Variants in EVA1C observed in about 807,000 individuals in gnomAD.
The protein encoded by EVA1C is protein eva-1 homolog C.
A neutral mutation model predicts 45.4 loss-of-function variants in EVA1C; 25 were observed. That is an observed-to-expected ratio of 0.55 (90% CI 0.40 to 0.77). EVA1C has a LOEUF of 0.77. Among genes scored for constraint, EVA1C ranks in the 30% least tolerant of loss-of-function variants. The pLI is 0.00. For missense variants in EVA1C, 479 were observed against 554.8 expected, an observed-to-expected ratio of 0.86 and a Z score of 1.37; for synonymous variants, 190 against 221.2, an observed-to-expected ratio of 0.86 and a Z score of 1.25.
At chr21:32,411,901 G>C (rs2033838265), upstream of EVA1C, 1 of 152,306 alleles carries the variant, frequency 6.6e-6, no homozygotes, top group Non-Finnish European at 1.5e-5. Context: ...CACTGGCTGG[G>C]CGTCCGAACG....
At chr21:32,446,943 C>T (rs1205505480) in intron 1 of EVA1C, among the ~76,000 whole-genome samples, 2 of 152,166 alleles carry the variant, frequency 1.3e-5, no homozygotes, top group South Asian at 2.1e-4. Flanking sequence ...TCACTCTGAC[C>T]TTGCTGGTCC....
intron 4 of EVA1C, among the ~76,000 whole-genome samples, chr21:32,491,681 C>CAAAAA (rs34286023): frequency 6.9e-5 from 4 of 57,644 alleles, no homozygotes; most frequent in Non-Finnish European, 1.3e-4. Context: ...GAGACTCTGT[C>CAAAAA]AAAAAAAAAA....
rs571903899 is a variant in EVA1C at position 32,488,015 on chromosome 21, T to C, written c.635-7012T>C. Among the ~76,000 whole-genome samples, 5 of 152,220 alleles carry C rather than the reference T, an allele frequency of 3.3e-5. No individual in the cohort carries two copies. The East Asian group carries it at 9.7e-4, about 29-fold the overall frequency. ...GTCTTGTGGGACTGGGCCCTTAGCC[T>C]GTGGTATCTGTACTAACTCCAGGTA... On this transcript the variant is annotated intron_variant, in intron 4 of 7. Transcript: ENST00000300255.
chr21:32,496,268 G>C (rs1221395387), intron 5 of EVA1C, among the ~76,000 whole-genome samples: 2 of 152,142 alleles, frequency 1.3e-5, no homozygotes, highest in Non-Finnish European at 2.9e-5. Flanking sequence ...GGTGCTTTGT[G>C]TCTGGCTTCC....
intron 4 of EVA1C, chr21:32,473,880 G>C: frequency 1.0e-6 from 1 of 983,362 alleles, no homozygotes; most frequent in Non-Finnish European, 1.2e-6. Flanking sequence ...AGATGAACAG[G>C]GCATCCTCAG....
chr21:32,503,457 A>G (rs1268094630), intron 6 of EVA1C, among the ~76,000 whole-genome samples: 1 of 152,102 alleles, frequency 6.6e-6, no homozygotes, highest in Admixed American at 6.5e-5. Flanking sequence ...GAGGCAGGAG[A>G]ATTGCTTGAA....
At chr21:32,456,884 C>T (rs144973343) in intron 2 of EVA1C, among the ~76,000 whole-genome samples, 6 of 151,172 alleles carry the variant, frequency 4.0e-5, no homozygotes, top group South Asian at 2.1e-4. Flanking sequence ...GCCTTAAAAA[C>T]GAAGGAGCTG....
chr21:32,507,508 CTGTGTGCATGTGTCTCTG>C (rs1440004971), intron 7 of EVA1C, among the ~76,000 whole-genome samples: 21 of 141,498 alleles, frequency 1.5e-4, no homozygotes, highest in African/African-American at 5.3e-4. Flanking sequence ...GTGTCTGTAT[CTGTGTGCATGTGTCTCTG>C]TGTGTGCATG....
intron 6 of EVA1C, among the ~76,000 whole-genome samples, chr21:32,501,860 G>A (rs2037540231): frequency 6.6e-6 from 1 of 152,060 alleles, no homozygotes; most frequent in Non-Finnish European, 1.5e-5. Context: ...AGGCGCCAGG[G>A]CCAACTAGGA....
intron 4 of EVA1C, among the ~76,000 whole-genome samples, chr21:32,475,194 G>C (rs375096660): frequency 2.0e-5 from 3 of 152,176 alleles, no homozygotes; most frequent in Non-Finnish European, 2.9e-5. Flanking sequence ...ATTTGCTTTA[G>C]ACTGGATACC....
At chr21:32,509,689 A>G (rs2037882568) in intron 7 of EVA1C, among the ~76,000 whole-genome samples, 1 of 152,072 alleles carries the variant, frequency 6.6e-6, no homozygotes, top group African/African-American at 2.4e-5. Flanking sequence ...CCACTCAGCG[A>G]GTGAGTGACG....
intron 1 of EVA1C, among the ~76,000 whole-genome samples, chr21:32,419,152 T>A (rs1212000981): frequency 6.6e-6 from 1 of 152,112 alleles, no homozygotes; most frequent in Non-Finnish European, 1.5e-5. Flanking sequence ...TTATTTTAGG[T>A]TTGGGGGTGC....
At chr21:32,446,357 A>T (rs115743765) in intron 1 of EVA1C, among the ~76,000 whole-genome samples, 2 of 152,228 alleles carry the variant, frequency 1.3e-5, no homozygotes, top group African/African-American at 4.8e-5. Context: ...CACAACTGCC[A>T]TCTTCCAGGA....
chr21:32,465,188 C>T, intron 3 of EVA1C, among the ~76,000 whole-genome samples: 1 of 152,186 alleles, frequency 6.6e-6, no homozygotes, highest in East Asian at 1.9e-4. Flanking sequence ...CTAATGATTT[C>T]AAGACTCATG....
At position 32,424,661 on chromosome 21, in the gene EVA1C, G is replaced by A. The variant is rs535249268; in HGVS notation, c.160+11648G>A. Among the ~76,000 whole-genome samples, 41 of 152,324 alleles carry A rather than the reference G, an allele frequency of 2.7e-4. 1 individual carries two copies. The highest frequency in any genetic ancestry group is 9.6e-4 in the African/African-American group (40 of 41,578). ...TGGACACAAAGACTCAGAATGAAAA[G>A]AGGTCTTGAGAACCCCAGTGCTGTG... On this transcript the variant is annotated intron_variant, in intron 1 of 7. Transcript: ENST00000300255.
At chr21:32,472,228 C>T (rs1281129794) in intron 4 of EVA1C, among the ~76,000 whole-genome samples, 3 of 152,084 alleles carry the variant, frequency 2.0e-5, no homozygotes, top group African/African-American at 2.4e-5. Context: ...GTGTGATCTC[C>T]GTTTACTGTA....
At chr21:32,420,262 C>T (rs974502648) in intron 1 of EVA1C, among the ~76,000 whole-genome samples, 2 of 152,136 alleles carry the variant, frequency 1.3e-5, no homozygotes, top group Non-Finnish European at 2.9e-5. Context: ...CCCAGCCACT[C>T]GGGAGGCTGA....
chr21:32,449,475 C>A (rs1158887979), intron 1 of EVA1C, among the ~76,000 whole-genome samples: 1 of 152,234 alleles, frequency 6.6e-6, no homozygotes, highest in East Asian at 1.9e-4. Flanking sequence ...AGTACACAGC[C>A]TTTTCAGATT....
At chr21:32,496,465 A>C (rs1279129522) in intron 5 of EVA1C, among the ~76,000 whole-genome samples, 1 of 152,242 alleles carries the variant, frequency 6.6e-6, no homozygotes, top group Non-Finnish European at 1.5e-5. Context: ...TATTACCAAA[A>C]TAATGGCACC....
Sources: allele counts gnomAD v4.1 joint callset (sites outside exome capture counted in the v4.1 genomes callset), GRCh38; gene constraint gnomAD v4.1.1; transcripts MANE v1.5; gene names NCBI Gene and HGNC (gene_info 2026-07-23, HGNC 2026-07-21).